FNDC3B: variants seen among roughly 807,000 people sequenced by gnomAD.
FNDC3B encodes fibronectin type III domain containing 3B.
In FNDC3B, 12 loss-of-function variants were observed where a neutral mutation model predicts 151.5. That is an observed-to-expected ratio of 0.08 (90% CI 0.05 to 0.13). The LOEUF is 0.13. Ranked by LOEUF, FNDC3B falls within the 10% of genes least tolerant of loss-of-function variation. The pLI, the probability that FNDC3B is intolerant of heterozygous loss-of-function variation, is 1.00. For synonymous variants in FNDC3B, 528 were observed against 549.0 expected (o/e 0.96, Z 0.54); for missense variants, 1,214 against 1,505.3 (o/e 0.81, Z 3.20).
intron 3 of FNDC3B, among the ~76,000 whole-genome samples, chr3:172,138,848 G>C (rs1432897145): frequency 6.6e-6 from 1 of 152,214 alleles, no homozygotes; most frequent in Non-Finnish European, 1.5e-5. Flanking sequence ...GGAATTCTAA[G>C]AGGGCACTAC....
chr3:172,088,156 A>G (rs1250922786), intron 1 of FNDC3B, among the ~76,000 whole-genome samples: 1 of 151,056 alleles, frequency 6.6e-6, no homozygotes, highest in Non-Finnish European at 1.5e-5. Flanking sequence ...TAATTTTTCT[A>G]TAAAGTTATG....
intron 3 of FNDC3B, among the ~76,000 whole-genome samples, chr3:172,190,894 C>T (rs891335462): frequency 2.6e-5 from 4 of 152,168 alleles, no homozygotes; most frequent in Non-Finnish European, 5.9e-5. Context: ...GTCTCGAATT[C>T]CTGACCTCAG....
chr3:172,171,422 C>T (rs1232319221), intron 3 of FNDC3B, among the ~76,000 whole-genome samples: 3 of 152,034 alleles, frequency 2.0e-5, no homozygotes, highest in Non-Finnish European at 4.4e-5. Context: ...CTGGAAACTT[C>T]GATGCCCAGT....
At chr3:172,375,779 A>G (rs2108363499) in intron 23 of FNDC3B, among the ~76,000 whole-genome samples, 1 of 152,282 alleles carries the variant, frequency 6.6e-6, no homozygotes, top group Non-Finnish European at 1.5e-5. Context: ...GAAGGAAGAA[A>G]GAACCACCCC....
At chr3:172,193,827 T>G (rs1423874880) in intron 3 of FNDC3B, among the ~76,000 whole-genome samples, 1 of 152,186 alleles carries the variant, frequency 6.6e-6, no homozygotes, top group Non-Finnish European at 1.5e-5. Context: ...AACATCATCT[T>G]TTTAATAACT....
Position 172,112,459 on chromosome 3 carries a change from G to C in FNDC3B, c.-21G>C. ...GCGGCGGTTCTCTTGCAGGAAGCCA[G>C]TTGAGGGAAGTTCTCCATGAATGTA... is the stretch of plus-strand genomic sequence containing the variant. On this transcript the variant is annotated 5_prime_UTR_variant, in exon 2 of 26. Coordinates refer to ENST00000415807, the MANE Select transcript of FNDC3B (RefSeq NM_022763.4). 6.4e-7 allele frequency: 1 copy of C among 1,574,174 alleles called. No homozygotes were observed. The highest frequency in any genetic ancestry group is 8.7e-7 in the Non-Finnish European group (1 of 1,143,540).
chr3:172,332,064 A>G (rs893310260), intron 13 of FNDC3B, among the ~76,000 whole-genome samples: 2 of 152,050 alleles, frequency 1.3e-5, no homozygotes, highest in South Asian at 2.1e-4. Context: ...TCTGCCTCCC[A>G]GGTTCAAGTG....
chr3:172,042,500 C>T (rs866866566), intron 1 of FNDC3B, among the ~76,000 whole-genome samples: 8 of 152,168 alleles, frequency 5.3e-5, no homozygotes, highest in Non-Finnish European at 1.0e-4. Context: ...CCATTATAGA[C>T]GAAAGTTTAA....
intron 6 of FNDC3B, among the ~76,000 whole-genome samples, chr3:172,283,688 C>T (rs1402447103): frequency 1.3e-5 from 2 of 152,168 alleles, no homozygotes; most frequent in African/African-American, 4.8e-5. Context: ...TTGTCTTTAA[C>T]AACTGAACCA....
intron 3 of FNDC3B, among the ~76,000 whole-genome samples, chr3:172,201,266 G>C (rs760034569): frequency 1.3e-5 from 2 of 152,176 alleles, no homozygotes; most frequent in African/African-American, 2.4e-5. Flanking sequence ...CAGCCCCAGT[G>C]GGGGAAGCGC....
intron 4 of FNDC3B, among the ~76,000 whole-genome samples, chr3:172,227,944 G>A (rs992195610): frequency 6.6e-6 from 1 of 152,108 alleles, no homozygotes; most frequent in African/African-American, 2.4e-5. Context: ...TTGCTGAAGC[G>A]GAGGCAGGAA....
chr3:172,161,109 T>C (rs1206654871), intron 3 of FNDC3B, among the ~76,000 whole-genome samples: 1 of 152,230 alleles, frequency 6.6e-6, no homozygotes, highest in Non-Finnish European at 1.5e-5. Flanking sequence ...TTGTGTTCAT[T>C]ATTAACTGTT....
intron 9 of FNDC3B, among the ~76,000 whole-genome samples, chr3:172,299,571 C>T (rs1730797246): frequency 1.3e-5 from 2 of 151,800 alleles, no homozygotes; most frequent in Non-Finnish European, 1.5e-5. Flanking sequence ...TTTAAGTTCC[C>T]CAGAAAATAT....
At chr3:172,240,858 T>A (rs1459000082) in intron 4 of FNDC3B, among the ~76,000 whole-genome samples, 1 of 152,182 alleles carries the variant, frequency 6.6e-6, no homozygotes, top group African/African-American at 2.4e-5. Context: ...GTTTTGATGA[T>A]TCTCTTGGTC....
chr3:172,100,558 T>C, intron 1 of FNDC3B, among the ~76,000 whole-genome samples: 1 of 152,228 alleles, frequency 6.6e-6, no homozygotes, highest in African/African-American at 2.4e-5. Context: ...ATACATACTT[T>C]ATATTAAAAT....
intron 1 of FNDC3B, among the ~76,000 whole-genome samples, chr3:172,057,064 C>G (rs1004875751): frequency 7.9e-5 from 12 of 152,180 alleles, no homozygotes; most frequent in African/African-American, 2.9e-4. Flanking sequence ...GAGAGGTTGT[C>G]CCTTTTTAAT....
At chr3:172,147,310 C>CAAA (rs34996209) in intron 3 of FNDC3B, among the ~76,000 whole-genome samples, 1,452 of 135,090 alleles carry the variant, frequency 0.011, 30 homozygotes, top group African/African-American at 0.038. Context: ...TGTCTCCAAA[C>CAAA]AAAAAAAAAA....
At position 172,310,222 on chromosome 3, in the gene FNDC3B, G is replaced by A. The variant is rs528391204; in HGVS notation, c.1201-606G>A. 3.3e-5 allele frequency among the ~76,000 whole-genome samples: 5 copies of A among 152,286 alleles called. No homozygotes were observed. In the South Asian group the frequency reaches 1.0e-3, roughly 32 times the overall value. Reference sequence around the variant, plus strand: ...AAAAACCCACTTTCTCAGTGAAGCAGATCTCAGCATGCTTTTTAAGAGGAA... The same window carrying A: ...AAAAACCCACTTTCTCAGTGAAGCAAATCTCAGCATGCTTTTTAAGAGGAA... On this transcript the variant is annotated intron_variant, in intron 10 of 25. Coordinates refer to ENST00000415807, the MANE Select transcript of FNDC3B (RefSeq NM_022763.4).
In FNDC3B at chr3:172,048,979, G is replaced by A. The variant is rs9881767; in HGVS notation, c.-29+9208G>A. ...GGGGAAGGGAAGATGGAGAGATAGT[G>A]TTTCATGGGTTTAGAATTTCTGTTT... On this transcript the variant is annotated intron_variant, in intron 1 of 25. Transcript: ENST00000415807. Among the ~76,000 whole-genome samples, 126 of 152,238 alleles carry A rather than the reference G, an allele frequency of 8.3e-4. 1 individual carries two copies. Among genetic ancestry groups the A allele is most frequent in the African/African-American group, 2.7e-3 (114 of 41,556 alleles).
Sources: allele counts gnomAD v4.1 joint callset (sites outside exome capture counted in the v4.1 genomes callset), GRCh38; gene constraint gnomAD v4.1.1; transcripts MANE v1.5; gene names NCBI Gene and HGNC (gene_info 2026-07-23, HGNC 2026-07-21).